The following NCOA4 variants were observed in gnomAD, a reference collection of about 807,000 sequenced individuals.
NCOA4 encodes the protein 70 kDa AR-activator.
In NCOA4, 31 loss-of-function variants were observed where a neutral mutation model predicts 69.5. That is an observed-to-expected ratio of 0.45 (90% CI 0.34 to 0.60). The LOEUF (loss-of-function observed/expected upper bound fraction) is 0.60, where lower values mean the gene tolerates loss of function less well. NCOA4 is among the 20% of genes least tolerant of loss of function. The pLI is 0.02. For missense variants in NCOA4, 600 were observed against 719.2 expected, an observed-to-expected ratio of 0.83 and a Z score of 1.90; for synonymous variants, 228 against 252.4, an observed-to-expected ratio of 0.90 and a Z score of 0.92.
At chr10:46,027,728 A>T (rs1279881799) in intron 1 of NCOA4, among the ~76,000 whole-genome samples, 1 of 152,220 alleles carries the variant, frequency 6.6e-6, no homozygotes, top group Non-Finnish European at 1.5e-5. Flanking sequence ...CAGTATGTGA[A>T]CAGAGGCAGT....
chr10:46,028,036 C>T (rs1475560830), intron 1 of NCOA4, among the ~76,000 whole-genome samples: 2 of 152,154 alleles, frequency 1.3e-5, no homozygotes, highest in East Asian at 1.9e-4. Flanking sequence ...TTGCAGAAAC[C>T]TCATGACTGC....
intron 1 of NCOA4, among the ~76,000 whole-genome samples, chr10:46,022,022 A>G (rs902801463): frequency 1.3e-5 from 2 of 152,134 alleles, no homozygotes; most frequent in Admixed American, 6.5e-5. Context: ...CAGAAAAACC[A>G]AAACACTGCC....
chr10:46,009,589 C>T (rs41315000), intron 8 of NCOA4, 38 bp from the exon 9 acceptor site: 16,100 of 1,576,660 alleles, frequency 0.01, 117 homozygotes, highest in Non-Finnish European at 0.012. Flanking sequence ...TTCATGAAAA[C>T]AAGGAGGCAT....
At chr10:46,020,866 C>T (rs183222572) in intron 1 of NCOA4, among the ~76,000 whole-genome samples, 4 of 152,222 alleles carry the variant, frequency 2.6e-5, no homozygotes, top group Admixed American at 2.0e-4. Flanking sequence ...AAAATATTGC[C>T]TTGCCATCTT....
At chr10:46,014,597 T>C (rs782353807) in intron 4 of NCOA4, 45 bp from the exon 5 acceptor site, 2 of 1,371,978 alleles carry the variant, frequency 1.5e-6, no homozygotes, top group Non-Finnish European at 2.0e-6. Context: ...GGAATATCTG[T>C]TTCATCAACT....
intron 1 of NCOA4, among the ~76,000 whole-genome samples, 167 bp downstream of exon 1, chr10:46,030,350 GGCCCGGGCC>G (rs1840394060): frequency 6.6e-6 from 1 of 151,394 alleles, no homozygotes; most frequent in African/African-American, 2.4e-5. Context: ...GGAGAAGACA[GGCCCGGGCC>G]CGGCGGGCAG....
chr10:46,006,914 AAAAGGAATAGTC>A (rs1838856018), intron 9 of NCOA4, among the ~76,000 whole-genome samples: 1 of 152,222 alleles, frequency 6.6e-6, no homozygotes, highest in African/African-American at 2.4e-5. Flanking sequence ...GTGTTCAACT[AAAAGGAATAGTC>A]CCCATCTCTC....
At position 46,005,497 on chromosome 10, in the gene NCOA4, T is replaced by C. The variant is rs1417589546; in HGVS notation, c.*1095A>G. On this transcript the variant is annotated 3_prime_UTR_variant, in exon 10 of 10. Coordinates refer to ENST00000581486, the MANE Select transcript of NCOA4 (RefSeq NM_001145263.2). ...AGCAAAGATATCTTAGAGAAAACATTATAAACCCCACTTCTCTCCTACACA... is the reference window on the plus strand; with the variant it reads ...AGCAAAGATATCTTAGAGAAAACATCATAAACCCCACTTCTCTCCTACACA... 4.5e-6 allele frequency: 1 copy of C among 220,618 alleles called. No individual in the cohort carries two copies. Among genetic ancestry groups the C allele is most frequent in the Non-Finnish European group, 9.1e-6 (1 of 109,856 alleles). The allele number at this position is 220,618 out of a possible 1,614,324, so 13.7% of individuals were successfully genotyped here. A position where few individuals can be genotyped will look rare whatever the true frequency, so the allele number is the denominator to read the frequency against.
intron 9 of NCOA4, among the ~76,000 whole-genome samples, chr10:46,006,818 C>G (rs1261960431): frequency 6.6e-6 from 1 of 152,168 alleles, no homozygotes; most frequent in Non-Finnish European, 1.5e-5. Context: ...TTCCCTATTT[C>G]TCTTCTCTCT....
Position 46,014,921 on chromosome 10 carries a change from G to C in NCOA4, c.304C>G (p.Leu102Val), listed in dbSNP as rs782020757. 1 of 1,614,054 alleles carries C rather than the reference G, an allele frequency of 6.2e-7. No homozygotes were observed. Among genetic ancestry groups the C allele is most frequent in the South Asian group, 1.1e-5 (1 of 91,076 alleles). ...TGGGTACACTCCAGTTGATGAGTAA[G>C]ACAATTGAACTGGCCCAATAACTAA... The part of the protein sequence containing the change: ...LYSLLGQFNC[L>V]THQLECTQNK... Residue 102 changes from leucine (L) to valine (V), a missense_variant, in exon 4 of 10, where the codon CTT (leucine) becomes GTT (valine). By Grantham distance (32) the Leu-to-Val change is conservative (BLOSUM62 1). Transcript: ENST00000581486.
chr10:46,006,644 A>G, intron 9 of NCOA4, 47 bp from the exon 10 acceptor site: 1 of 1,606,554 alleles, frequency 6.2e-7, no homozygotes, highest in Non-Finnish European at 8.5e-7. Context: ...ATGAAGAATA[A>G]AAGCAAATTT....
chr10:46,030,268 A>G (rs1554926283), intron 1 of NCOA4, among the ~76,000 whole-genome samples: 1 of 151,646 alleles, frequency 6.6e-6, no homozygotes, highest in African/African-American at 2.4e-5. Context: ...CGGGGAGGAA[A>G]AGACAAGCCC....
chr10:46,017,606 T>A (rs1003894276), intron 1 of NCOA4, among the ~76,000 whole-genome samples: 2 of 152,018 alleles, frequency 1.3e-5, no homozygotes, highest in East Asian at 1.9e-4. Context: ...AGAGAATATA[T>A]GTAATATATA....
In NCOA4 at chr10:46,006,579, CTT is replaced by C; in HGVS notation, c.*11_*12del. The C allele has an allele frequency of 1.2e-6, 2 of 1,613,988 alleles. No individual in the cohort carries two copies. Among genetic ancestry groups the C allele is most frequent in the South Asian group, 1.1e-5 (1 of 91,078 alleles). ...TAATCAGCAGAAAGGCTGCTCAACT[CTT>C]GTCCATTCCTTCACATCTGTAAAGA... On this transcript the variant is annotated 3_prime_UTR_variant, in exon 10 of 10. Transcript: ENST00000581486.
rs372222696 is a variant in NCOA4 at position 46,010,695 on chromosome 10, G to T, written c.1226C>A (p.Pro409His). The part of the protein sequence containing the change: ...KVEEVCRANE[P>H]CTSFAECVCD... ...CACACACTCTGCAAAGCTTGTGCAGGGCTCATTGGCTCTGCACACCTCCTC... is the reference window on the plus strand; with the variant it reads ...CACACACTCTGCAAAGCTTGTGCAGTGCTCATTGGCTCTGCACACCTCCTC... Residue 409 changes from proline to histidine, a missense_variant, in exon 8 of 10, where the codon CCC becomes CAC. By Grantham distance (77) the Pro-to-His change is moderately conservative. Transcript: ENST00000581486. 7.4e-6 allele frequency: 12 copies of T among 1,613,810 alleles called. No homozygotes were observed. In the African/African-American group the frequency reaches 1.5e-4, roughly 20 times the overall value.
chr10:46,012,299 T>TATCC (rs1213061913), intron 7 of NCOA4, among the ~76,000 whole-genome samples: 15 of 152,264 alleles, frequency 9.9e-5, no homozygotes, highest in African/African-American at 3.4e-4. Context: ...TGGCAATATG[T>TATCC]ATCCAAAGTC....
At position 46,011,003 on chromosome 10, in the gene NCOA4, C is replaced by A. The variant is rs1554921335; in HGVS notation, c.918G>T (p.Val306=). 1 of 1,613,964 alleles carries A rather than the reference C, an allele frequency of 6.2e-7. No individual in the cohort carries two copies. Among genetic ancestry groups the A allele is most frequent in the Admixed American group, 1.7e-5 (1 of 60,018 alleles). ...QDEMDLSDWL[V]TPQESHKLRK... The stretch of plus-strand genomic sequence containing the variant: ...GCAGCTTATGGGATTCCTGGGGAGT[C>A]ACTAGCCAATCTGATAGGTCCATCT... Residue 306 remains valine, a synonymous_variant, in exon 8 of 10, where the codon GTG becomes GTT. Coordinates refer to ENST00000581486, the MANE Select transcript of NCOA4 (RefSeq NM_001145263.2).
intron 1 of NCOA4, chr10:46,019,522 G>A (rs1590171026): frequency 1.0e-6 from 1 of 985,376 alleles, no homozygotes; most frequent in Non-Finnish European, 1.2e-6. Context: ...CTGGCACAGT[G>A]TAAAATTGAA....
chr10:46,030,438 G>C (rs1840400323), intron 1 of NCOA4, 88 bp downstream of exon 1: 1 of 141,658 alleles, frequency 7.1e-6, no homozygotes, highest in Non-Finnish European at 1.6e-5. Flanking sequence ...ACCGGTCCCG[G>C]TGTCGGTCGG....
Sources: gnomAD v4.1 joint callset for allele counts (sites outside exome capture counted in the v4.1 genomes callset) on GRCh38, gnomAD v4.1.1 for gene constraint, MANE v1.5 for transcripts, NCBI Gene and HGNC (gene_info 2026-07-23, HGNC 2026-07-21) for gene names.